PTPRD: variants seen among roughly 807,000 people sequenced by gnomAD.
PTPRD encodes the protein protein tyrosine phosphatase receptor type D.
A neutral mutation model predicts 214.5 loss-of-function variants in PTPRD; 34 were observed. That is an observed-to-expected ratio of 0.16 (90% confidence interval 0.12 to 0.21). The LOEUF (loss-of-function observed/expected upper bound fraction) is 0.21, where lower values mean the gene tolerates loss of function less well. Among genes scored for constraint, PTPRD ranks in the 10% least tolerant of loss-of-function variants. The probability of loss-of-function intolerance (pLI) is 1.00; values close to 1 mark genes in which losing one functional copy is unlikely to be tolerated. For missense variants in PTPRD, 2,545 were observed against 2,398.7 expected, an observed-to-expected ratio of 1.06 and a Z score of -1.27; for synonymous variants, 1,128 against 845.7, an observed-to-expected ratio of 1.33 and a Z score of -5.79.
intron 2 of PTPRD, among the ~76,000 whole-genome samples, chr9:10,504,009 C>G (rs201638117): frequency 5.7e-4 from 83 of 146,744 alleles, no homozygotes; most frequent in African/African-American, 1.9e-3. Flanking sequence ...CCAGCTACTC[C>G]GGAGACTGAA....
intron 11 of PTPRD, among the ~76,000 whole-genome samples, chr9:8,986,952 T>C (rs1024596429): frequency 3.3e-5 from 5 of 152,228 alleles, no homozygotes; most frequent in African/African-American, 1.2e-4. Flanking sequence ...TTTATGTGTG[T>C]ATTACATATT....
chr9:10,167,089 G>A (rs1289531068), intron 3 of PTPRD, among the ~76,000 whole-genome samples: 3 of 150,692 alleles, frequency 2.0e-5, no homozygotes, highest in Non-Finnish European at 4.4e-5. Context: ...ATCTACTTGA[G>A]TTTACAGGTG....
chr9:9,718,932 C>T (rs2097884464), intron 7 of PTPRD, among the ~76,000 whole-genome samples: 1 of 152,154 alleles, frequency 6.6e-6, no homozygotes. Context: ...AGACAGGTTC[C>T]TAAGTGGGAA....
At chr9:9,413,366 G>A (rs1289398279) in intron 8 of PTPRD, among the ~76,000 whole-genome samples, 2 of 150,444 alleles carry the variant, frequency 1.3e-5, no homozygotes, top group South Asian at 2.1e-4. Flanking sequence ...CACCCGCCTC[G>A]GCCTCCCAAA....
intron 9 of PTPRD, among the ~76,000 whole-genome samples, chr9:9,245,989 T>G (rs1594463493): frequency 6.6e-6 from 1 of 152,030 alleles, no homozygotes; most frequent in East Asian, 1.9e-4. Flanking sequence ...CTTAAAAAGA[T>G]CCTATGTGGC....
chr9:8,688,906 C>G (rs1434267), intron 12 of PTPRD, among the ~76,000 whole-genome samples: 3 of 152,182 alleles, frequency 2.0e-5, no homozygotes, highest in Non-Finnish European at 4.4e-5. Context: ...CTCTAAACAT[C>G]TATGCCTGTA....
intron 11 of PTPRD, among the ~76,000 whole-genome samples, chr9:8,847,420 T>A (rs2097720692): frequency 1.3e-5 from 2 of 152,176 alleles, no homozygotes; most frequent in African/African-American, 4.8e-5. Context: ...TTCTAGGAAG[T>A]TATGTTTATA....
intron 11 of PTPRD, among the ~76,000 whole-genome samples, chr9:8,852,500 G>A (rs1239506233): frequency 6.6e-6 from 1 of 152,174 alleles, no homozygotes; most frequent in Admixed American, 6.5e-5. Context: ...AATGCTGGAG[G>A]AGCCAAAGTG....
intron 2 of PTPRD, among the ~76,000 whole-genome samples, chr9:10,480,607 C>G (rs960505588): frequency 6.6e-6 from 1 of 151,770 alleles, no homozygotes; most frequent in African/African-American, 2.4e-5. Context: ...AAAATATTAT[C>G]TCAAAGAAGA....
intron 34 of PTPRD, among the ~76,000 whole-genome samples, chr9:8,437,459 A>T (rs557234511): frequency 6.6e-6 from 1 of 152,312 alleles, no homozygotes; most frequent in South Asian, 2.1e-4. Context: ...GCAAACACAG[A>T]CACAAAGAAT....
chr9:9,147,293 G>T (rs1203954237), intron 10 of PTPRD, among the ~76,000 whole-genome samples: 3 of 140,006 alleles, frequency 2.1e-5, no homozygotes, highest in African/African-American at 8.1e-5. Context: ...CTCCCAATTT[G>T]TTCTTTTTGC....
At chr9:8,946,894 G>T (rs1397870749) in intron 11 of PTPRD, among the ~76,000 whole-genome samples, 1 of 149,956 alleles carries the variant, frequency 6.7e-6, no homozygotes, top group African/African-American at 2.4e-5. Flanking sequence ...TTTTTCTATT[G>T]GTCTCTTTCT....
chr9:8,373,852 A>ATC (rs2082326922), intron 39 of PTPRD, among the ~76,000 whole-genome samples: 4 of 113,042 alleles, frequency 3.5e-5, no homozygotes, highest in African/African-American at 1.6e-4. Context: ...ATGTATGTGT[A>ATC]TGTGTCTGTC....
intron 11 of PTPRD, among the ~76,000 whole-genome samples, chr9:8,938,380 T>C (rs2099011150): frequency 6.6e-6 from 1 of 152,042 alleles, no homozygotes; most frequent in Admixed American, 6.5e-5. Context: ...TGAGTGAAAA[T>C]GCCATTTAAT....
chr9:10,558,304 T>A (rs10959166), intron 2 of PTPRD, among the ~76,000 whole-genome samples: 51,418 of 152,004 alleles, frequency 0.34, 8,840 homozygotes, highest in Non-Finnish European at 0.37. Context: ...ATATAGATCA[T>A]TTTAGATGGG....
In PTPRD at chr9:10,422,252, G is replaced by C. The variant is rs372952994; in HGVS notation, c.-599-81235C>G. 1.3e-3 allele frequency among the ~76,000 whole-genome samples: 193 copies of C among 152,126 alleles called. 4 individuals carry two copies. In the South Asian group the frequency reaches 0.039, roughly 31 times the overall value. ...TAAATGGTGCTGGGAAAACTGGCTA[G>C]CCATATGTAGAAGGCTGAAACTGGA... On this transcript the variant is annotated intron_variant, in intron 2 of 45. Coordinates refer to ENST00000381196, the MANE Select transcript of PTPRD (RefSeq NM_002839.4).
At chr9:9,212,110 G>A (rs374745364) in intron 9 of PTPRD, among the ~76,000 whole-genome samples, 1 of 151,560 alleles carries the variant, frequency 6.6e-6, no homozygotes, top group Non-Finnish European at 1.5e-5. Context: ...GTTTTGTATG[G>A]GCAATACCCA....
rs1320404185 is a variant in PTPRD at position 8,591,839 on chromosome 9, C to T, written c.352+41478G>A. 3.3e-5 allele frequency among the ~76,000 whole-genome samples: 5 copies of T among 152,084 alleles called. No individual in the cohort carries two copies. In the East Asian group the frequency reaches 5.8e-4, roughly 18 times the overall value. On this transcript the variant is annotated intron_variant, in intron 14 of 45. Transcript: ENST00000381196. ...TGAACTCTGTATTCACTATGTAAAC[C>T]TTCTAACGGAATAGCCTTCAGTGTA...
In PTPRD at chr9:8,744,451, G is replaced by A. The variant is rs912187577; in HGVS notation, c.-103-10505C>T. Among the ~76,000 whole-genome samples the A allele has an allele frequency of 7.9e-5, 12 of 152,252 alleles. No homozygotes were observed. The East Asian group carries it at 9.7e-4, about 12-fold the overall frequency. On this transcript the variant is annotated intron_variant, in intron 11 of 45. Transcript: ENST00000381196. The stretch of plus-strand genomic sequence containing the variant: ...AGAAAATGCAGTATACTTATACCAC[G>A]GAATATGACTAAGCCATAAAAAGGA...
Sources: allele counts gnomAD v4.1 joint callset (sites outside exome capture counted in the v4.1 genomes callset), GRCh38; gene constraint gnomAD v4.1.1; transcripts MANE v1.5; gene names NCBI Gene and HGNC (gene_info 2026-07-23, HGNC 2026-07-21).